C7orf78: variants seen among roughly 807,000 people sequenced by gnomAD.
The protein encoded by C7orf78 is chromosome 7 open reading frame 78.
At chr7:12,533,201 T>TTTTG in the C7orf78 span, among the ~76,000 whole-genome samples, 1 of 152,116 alleles carries the variant, frequency 6.6e-6, no homozygotes, top group South Asian at 2.1e-4. Context: ...GTTGTTGTTG[T>TTTTG]TTTGTTTGTT....
At chr7:12,538,842 A>G in the C7orf78 span, among the ~76,000 whole-genome samples, 1 of 152,132 alleles carries the variant, frequency 6.6e-6, no homozygotes, top group African/African-American at 2.4e-5. Context: ...GATAAGAAGT[A>G]GGCAGGATGC....
At chr7:12,521,109 T>C in the C7orf78 span, among the ~76,000 whole-genome samples, 5 of 152,150 alleles carry the variant, frequency 3.3e-5, no homozygotes, top group African/African-American at 1.2e-4. Context: ...TGTGTGTCTT[T>C]ACAGGTGAAG....
At chr7:12,486,500 A>G in the C7orf78 span, among the ~76,000 whole-genome samples, 8 of 152,010 alleles carry the variant, frequency 5.3e-5, no homozygotes, top group African/African-American at 1.9e-4. Context: ...TCATCAGTTT[A>G]TGAATAATCT....
chr7:12,499,618 C>T, the C7orf78 span, among the ~76,000 whole-genome samples: 4 of 150,576 alleles, frequency 2.7e-5, no homozygotes, highest in South Asian at 8.6e-4. Flanking sequence ...TAGACTCCCA[C>T]ACATTAATAA....
the C7orf78 span, among the ~76,000 whole-genome samples, chr7:12,497,819 G>C: frequency 4.6e-5 from 7 of 150,782 alleles, no homozygotes; most frequent in African/African-American, 1.7e-4. Context: ...AACCTCTGCA[G>C]ACTTAAATGC....
the C7orf78 span, among the ~76,000 whole-genome samples, chr7:12,498,229 A>T: frequency 6.6e-6 from 1 of 152,154 alleles, no homozygotes; most frequent in Non-Finnish European, 1.5e-5. Flanking sequence ...ACAAAGCTGG[A>T]TGGAGAATGA....
chr7:12,488,914 T>TG, the C7orf78 span, among the ~76,000 whole-genome samples: 3 of 21,200 alleles, frequency 1.4e-4, no homozygotes, highest in Admixed American at 1.9e-3. Context: ...GTTTGATTGG[T>TG]TTTTTTTTTT....
the C7orf78 span, among the ~76,000 whole-genome samples, chr7:12,499,428 T>C: frequency 0.018 from 2,736 of 150,742 alleles, 74 homozygotes; most frequent in African/African-American, 0.063. Context: ...GGGGTTGCAA[T>C]CCTAGTCTCT....
the C7orf78 span, chr7:12,531,098 CA>C: frequency 6.3e-5 from 25 of 397,956 alleles, no homozygotes; most frequent in African/African-American, 8.2e-5. Context: ...AGCAGGTGGG[CA>C]AAAAAATTAG....
the C7orf78 span, among the ~76,000 whole-genome samples, chr7:12,499,975 T>G: frequency 8.3e-6 from 1 of 120,470 alleles, no homozygotes; most frequent in African/African-American, 3.2e-5. Flanking sequence ...TGCTCCTGAA[T>G]GACTACTGGG....
chr7:12,526,244 C>G, the C7orf78 span, among the ~76,000 whole-genome samples: 2 of 152,012 alleles, frequency 1.3e-5, no homozygotes, highest in Admixed American at 6.6e-5. Flanking sequence ...CTATTGGTTT[C>G]CTTATCTGGA....
At chr7:12,513,328 C>A in the C7orf78 span, among the ~76,000 whole-genome samples, 1 of 150,776 alleles carries the variant, frequency 6.6e-6, no homozygotes, top group Non-Finnish European at 1.5e-5. Flanking sequence ...TATTTAAAAT[C>A]TTTGTTTTTT....
At chr7:12,498,937 C>G in the C7orf78 span, among the ~76,000 whole-genome samples, 39 of 151,816 alleles carry the variant, frequency 2.6e-4, no homozygotes, top group African/African-American at 6.8e-4. Flanking sequence ...ATTCAACATT[C>G]TTAAAGAAAA....
At chr7:12,513,861 G>C in the C7orf78 span, among the ~76,000 whole-genome samples, 16 of 152,148 alleles carry the variant, frequency 1.1e-4, no homozygotes, top group African/African-American at 3.6e-4. Context: ...TTAGCTGGGC[G>C]TGGTGGTGGG....
the C7orf78 span, chr7:12,528,777 A>C: frequency 2.5e-6 from 1 of 394,724 alleles, no homozygotes; most frequent in Non-Finnish European, 4.5e-6. Flanking sequence ...TTAGATTTAC[A>C]TCTATAAATT....
At chr7:12,505,785 T>C in the C7orf78 span, among the ~76,000 whole-genome samples, 5 of 152,214 alleles carry the variant, frequency 3.3e-5, no homozygotes, top group African/African-American at 1.2e-4. Context: ...CACTATTTCA[T>C]TATTGTCTTC....
chr7:12,506,314 A>C, the C7orf78 span, among the ~76,000 whole-genome samples: 4 of 152,230 alleles, frequency 2.6e-5, no homozygotes, highest in African/African-American at 9.6e-5. Flanking sequence ...AGGGTTATAA[A>C]TCATGCTACT....
At chr7:12,519,112 G>T in the C7orf78 span, among the ~76,000 whole-genome samples, 2 of 151,992 alleles carry the variant, frequency 1.3e-5, no homozygotes, top group African/African-American at 2.4e-5. Flanking sequence ...CCCTCTATTG[G>T]TAGCCAGAGC....
At chr7:12,506,786 A>G in the C7orf78 span, 1 of 348,674 alleles carries the variant, frequency 2.9e-6, no homozygotes, top group African/African-American at 2.2e-5. Context: ...AACTTAAAGT[A>G]TAAAATAAAA....
Sources: gnomAD v4.1 joint callset for allele counts (sites outside exome capture counted in the v4.1 genomes callset) on GRCh38, gnomAD v4.1.1 for gene constraint, MANE v1.5 for transcripts, NCBI Gene and HGNC (gene_info 2026-07-23, HGNC 2026-07-21) for gene names.